The following TNS1 variants were observed in gnomAD, a reference collection of about 807,000 sequenced individuals.
The protein encoded by TNS1 is tensin 1.
TNS1 carries 62 observed loss-of-function variants against 168.6 expected under a neutral mutation model. The observed-to-expected ratio is 0.37, with a 90% CI of 0.30 to 0.45. The LOEUF (loss-of-function observed/expected upper bound fraction) is 0.45. Among genes scored for constraint, TNS1 ranks in the 20% least tolerant of loss-of-function variants. The pLI, the probability that TNS1 is intolerant of heterozygous loss-of-function variation, is 1.00. For missense variants in TNS1, 2,240 were observed against 2,339.4 expected, an observed-to-expected ratio of 0.96 and a Z score of 0.88; for synonymous variants, 934 against 933.2, an observed-to-expected ratio of 1.00 and a Z score of -0.02.
intron 19 of TNS1, among the ~76,000 whole-genome samples, chr2:217,842,948 T>C (rs988606635): frequency 1.3e-5 from 2 of 152,192 alleles, no homozygotes; most frequent in Non-Finnish European, 2.9e-5. Context: ...ACGTATCACC[T>C]ATCTGACATA....
intron 6 of TNS1, among the ~76,000 whole-genome samples, chr2:217,906,102 G>A (rs1247552653): frequency 3.3e-5 from 5 of 152,028 alleles, no homozygotes; most frequent in Admixed American, 2.0e-4. Flanking sequence ...CCTGAGCACC[G>A]AGGCCTGGCG....
chr2:217,821,819 G>T lies in TNS1; in HGVS notation c.3493C>A (p.Leu1165Met). The T allele has an allele frequency of 6.4e-7, 1 of 1,568,444 alleles. No individual in the cohort carries two copies. Among genetic ancestry groups the T allele is most frequent in the Non-Finnish European group, 8.6e-7 (1 of 1,160,190 alleles). ...ATQAYGHEIP[L>M]RNGTLGGSFV... Reference sequence around the variant, plus strand: ...GAGCCACCCAGGGTCCCGTTCCTCAGGGGTATCTCATGGCCATAGGCCTGG... The same window carrying T: ...GAGCCACCCAGGGTCCCGTTCCTCATGGGTATCTCATGGCCATAGGCCTGG... The change falls in exon 23 of 33, where the codon CTG becomes ATG. Residue 1165 changes from leucine to methionine, a missense_variant. Transcript: ENST00000682258.
intron 22 of TNS1, among the ~76,000 whole-genome samples, chr2:217,826,086 G>C (rs987481043): frequency 6.6e-6 from 1 of 152,128 alleles, no homozygotes; most frequent in Non-Finnish European, 1.5e-5. Context: ...CTCCTTCCCA[G>C]TGCATCCTCT....
At position 217,897,820 on chromosome 2, in the gene TNS1, G is replaced by T; in HGVS notation, c.521C>A (p.Ser174Tyr). 1 of 1,608,010 alleles carries T rather than the reference G, an allele frequency of 6.2e-7. No homozygotes were observed. Among genetic ancestry groups the T allele is most frequent in the Middle Eastern group, 1.7e-4 (1 of 6,042 alleles). ...CACCAGGTAGTTGCCTCCATGTTTG[G>T]ACTTGAGCATCTGCGCCACCTCACG... ...NLREVAQMLK[S>Y]KHGGNYLLFN... Residue 174 changes from serine to tyrosine, a missense_variant, in exon 8 of 33, where the codon TCC becomes TAC. Coordinates refer to ENST00000682258, the MANE Select transcript of TNS1 (RefSeq NM_001387777.1).
chr2:217,844,604 G>A (rs1946398835), intron 19 of TNS1, among the ~76,000 whole-genome samples: 1 of 152,122 alleles, frequency 6.6e-6, no homozygotes, highest in Non-Finnish European at 1.5e-5. Flanking sequence ...CATCTTCCAA[G>A]GCTCAGTTTA....
At chr2:218,002,471 G>T (rs186342532) in intron 1 of TNS1, among the ~76,000 whole-genome samples, 23 of 152,064 alleles carry the variant, frequency 1.5e-4, no homozygotes, top group East Asian at 9.7e-4. Context: ...AGCAACTGAG[G>T]GGGGGCGGTG....
Position 218,028,296 on chromosome 2 carries a change from C to T in TNS1, c.156+5524G>A, listed in dbSNP as rs546684541. Among the ~76,000 whole-genome samples, 239 of 152,284 alleles carry T rather than the reference C, an allele frequency of 1.6e-3. 8 individuals carry two copies. The South Asian group carries it at 0.045, about 29-fold the overall frequency. On this transcript the variant is annotated intron_variant, in intron 1 of 1. Coordinates refer to the TNS1 transcript ENST00000649572. ...TGCTGGGTGCCCAGAGAAGCTCAGG[C>T]CCAGATGGGCCCAGGGGAGACCTCT...
At chr2:217,964,748 T>C (rs907737806) in intron 3 of TNS1, among the ~76,000 whole-genome samples, 2 of 152,204 alleles carry the variant, frequency 1.3e-5, no homozygotes, top group Non-Finnish European at 2.9e-5. Flanking sequence ...GAACAGGACC[T>C]AGTCTGAACC....
Position 217,978,748 on chromosome 2 carries a change from A to T in TNS1, c.186+17T>A. The stretch of plus-strand genomic sequence containing the variant: ...TGTCCCAAGTCCTCCCGGGCCCGCC[A>T]GCCCGCGGCCCCTTACCTTGGCCTG... On this transcript the variant is annotated intron_variant, in intron 3 of 32. Coordinates refer to ENST00000682258, the MANE Select transcript of TNS1 (RefSeq NM_001387777.1). The T allele has an allele frequency of 1.4e-6, 1 of 701,172 alleles. No homozygotes were observed. The highest frequency in any genetic ancestry group is 2.6e-6 in the Non-Finnish European group (1 of 384,030). The allele number at this position is 701,172 out of a possible 1,614,324, so 43.4% of individuals were successfully genotyped here.
intron 2 of TNS1, among the ~76,000 whole-genome samples, chr2:217,987,907 C>T (rs1958242286): frequency 6.6e-6 from 1 of 152,156 alleles, no homozygotes; most frequent in African/African-American, 2.4e-5. Context: ...GAACTATCAA[C>T]CTCATGCCAT....
rs74683543 is a variant in TNS1, at chr2:217,919,483, C to T, written c.228+712G>A. On this transcript the variant is annotated intron_variant, in intron 4 of 32. Transcript: ENST00000682258. ...GGCAGCCCCCTTCCTTCCCCAGCAG[C>T]GCCCAGAGCCTTGTCTGCTTCTAGG... is the stretch of plus-strand genomic sequence containing the variant. Among the ~76,000 whole-genome samples, 950 of 152,348 alleles carry T rather than the reference C, an allele frequency of 6.2e-3. 15 individuals are homozygous for T. The highest frequency in any genetic ancestry group is 0.026 in the Admixed American group (393 of 15,308).
chr2:217,867,597 C>G (rs1201194883), intron 18 of TNS1, among the ~76,000 whole-genome samples: 5 of 152,218 alleles, frequency 3.3e-5, no homozygotes, highest in Admixed American at 3.3e-4. Flanking sequence ...GAGGCCAAAG[C>G]CAAATCCTTA....
At chr2:217,819,090 C>T (rs551954877) in intron 23 of TNS1, among the ~76,000 whole-genome samples, 51 of 152,328 alleles carry the variant, frequency 3.3e-4, no homozygotes, top group African/African-American at 1.1e-3. Flanking sequence ...CCTCTCCTAT[C>T]GAAACTGGAG....
rs1391005643 is a variant in TNS1 at position 218,032,522 on chromosome 2, G to A, written c.156+1298C>T. On this transcript the variant is annotated intron_variant, in intron 1 of 1. Coordinates refer to the TNS1 transcript ENST00000649572. This position sits in a 1 kb window ranked among gnomAD's most constrained non-coding sequence, Gnocchi z 4.0. The stretch of plus-strand genomic sequence containing the variant: ...GGCAGGGCCTGGGGCAGGAATGGGG[G>A]GTGTGTCTGCAGCAGGACTGGCAGT... Among the ~76,000 whole-genome samples, 1 of 152,178 alleles carries A rather than the reference G, an allele frequency of 6.6e-6. No homozygotes were observed. The highest frequency in any genetic ancestry group is 2.4e-5 in the African/African-American group (1 of 41,446).
chr2:217,981,727 G>T (rs1031302008), intron 2 of TNS1, among the ~76,000 whole-genome samples: 6 of 152,184 alleles, frequency 3.9e-5, no homozygotes. Context: ...CTCCAGGGAA[G>T]CCCTCTTTGC....
Position 217,818,179 on chromosome 2 carries a change from C to T in TNS1, c.4153G>A (p.Gly1385Ser). The T allele has an allele frequency of 6.2e-7, 1 of 1,613,906 alleles. No individual in the cohort carries two copies. The highest frequency in any genetic ancestry group is 8.5e-7 in the Non-Finnish European group (1 of 1,179,926). Reference protein sequence around the residue: ...SLGRHPGAHQGNLASGLHSNA... With the variant: ...SLGRHPGAHQSNLASGLHSNA... ...CTATGAAGACCGGAGGCCAGGTTGC[C>T]TTGGTGAGCCCCAGGGTGCCGGCCC... The change falls in exon 24 of 33, where the codon GGC (glycine) becomes AGC (serine). Residue 1385 changes from glycine to serine, a missense_variant. Gly to Ser is a moderately conservative substitution (Grantham distance 56, BLOSUM62 0). Around this residue, in one of 2 missense-constraint regions of TNS1, gnomAD observed 2,131 missense variants for 2,171.2 expected, o/e 0.98. Coordinates refer to ENST00000682258, the MANE Select transcript of TNS1 (RefSeq NM_001387777.1).
At chr2:217,805,534 C>CAGCACCA (rs1559132279) in intron 32 of TNS1, among the ~76,000 whole-genome samples, 2 of 28,892 alleles carry the variant, frequency 6.9e-5, no homozygotes, top group Non-Finnish European at 7.7e-5. Context: ...ACCACACACA[C>CAGCACCA]CACACACACC....
At chr2:217,873,485 G>C (rs1949950130) in intron 18 of TNS1, among the ~76,000 whole-genome samples, 1 of 152,202 alleles carries the variant, frequency 6.6e-6, no homozygotes, top group Non-Finnish European at 1.5e-5. Context: ...ACAGGGGTGG[G>C]GGCGCACTGG....
At chr2:217,853,000 C>T (rs1947700949) in intron 18 of TNS1, among the ~76,000 whole-genome samples, 1 of 152,268 alleles carries the variant, frequency 6.6e-6, no homozygotes, top group South Asian at 2.1e-4. Flanking sequence ...GAAACCCCAG[C>T]ATAGCAGCAG....
Sources: allele counts gnomAD v4.1 joint callset (sites outside exome capture counted in the v4.1 genomes callset), GRCh38; gene constraint gnomAD v4.1.1; regional missense constraint gnomAD v4.1.1; non-coding constraint Gnocchi (gnomAD v3.1); transcripts MANE v1.5; gene names NCBI Gene and HGNC (gene_info 2026-07-23, HGNC 2026-07-21).